Variants in WWOX observed in about 807,000 individuals in gnomAD.
The protein encoded by WWOX is WW domain-containing oxidoreductase.
A neutral mutation model predicts 46.2 loss-of-function variants in WWOX; 69 were observed. That is an observed-to-expected ratio of 1.49 (90% CI 1.23 to 1.82). WWOX has a LOEUF of 1.82. Ranked by LOEUF, WWOX falls within the 40% of genes most tolerant of loss-of-function variation. The probability of loss-of-function intolerance (pLI) is 0.00; values close to 1 mark genes in which losing one functional copy is unlikely to be tolerated. For synonymous variants in WWOX, 359 were observed against 202.6 expected (o/e 1.77, Z -6.56); for missense variants, 919 against 542.6 (o/e 1.69, Z -6.89).
chr16:79,138,781 T>C (rs577438969), intron 8 of WWOX, among the ~76,000 whole-genome samples: 3 of 152,284 alleles, frequency 2.0e-5, no homozygotes, highest in African/African-American at 4.8e-5. Context: ...CTCATTTCTC[T>C]TTGCAGTCAC....
intron 6 of WWOX, among the ~76,000 whole-genome samples, chr16:78,418,639 G>A (rs1011998707): frequency 2.0e-5 from 3 of 151,956 alleles, no homozygotes; most frequent in Admixed American, 1.3e-4. Flanking sequence ...AACAATTCAC[G>A]GTTGGTTTTA....
At chr16:78,554,861 G>A (rs2044251700) in intron 8 of WWOX, among the ~76,000 whole-genome samples, 1 of 152,180 alleles carries the variant, frequency 6.6e-6, no homozygotes, top group Non-Finnish European at 1.5e-5. Flanking sequence ...GAAGACAGAG[G>A]TGGGACCTGG....
intron 5 of WWOX, chr16:78,278,583 C>T: frequency 3.7e-6 from 6 of 1,601,836 alleles, no homozygotes; most frequent in Non-Finnish European, 5.1e-6. Flanking sequence ...ACACAACTGT[C>T]TTTTGTTTGT....
intron 5 of WWOX, among the ~76,000 whole-genome samples, chr16:78,327,516 G>A (rs1327029044): frequency 2.6e-5 from 4 of 152,102 alleles, no homozygotes. Flanking sequence ...TGTAGAACAT[G>A]GAGCGCTCAG....
intron 8 of WWOX, among the ~76,000 whole-genome samples, chr16:78,847,286 A>G (rs949193943): frequency 2.0e-5 from 3 of 152,350 alleles, no homozygotes; most frequent in Middle Eastern, 3.4e-3. Context: ...ATACAAACCC[A>G]TGCACATACA....
chr16:78,942,502 C>G (rs1320211867), intron 8 of WWOX, among the ~76,000 whole-genome samples: 1 of 151,618 alleles, frequency 6.6e-6, no homozygotes, highest in Non-Finnish European at 1.5e-5. Flanking sequence ...AAAATTGATT[C>G]CCGTAGCTCT....
intron 8 of WWOX, among the ~76,000 whole-genome samples, chr16:78,773,706 T>A (rs2050121517): frequency 6.6e-6 from 1 of 152,170 alleles, no homozygotes; most frequent in African/African-American, 2.4e-5. Flanking sequence ...AGTTGAAGTC[T>A]GAACAAATAA....
At chr16:78,127,792 T>G (rs1305768215) in intron 4 of WWOX, among the ~76,000 whole-genome samples, 1 of 152,156 alleles carries the variant, frequency 6.6e-6, no homozygotes, top group Admixed American at 6.5e-5. Context: ...TGTCAGTGTT[T>G]GAATATAGTT....
chr16:78,577,678 C>G (rs1567656780), intron 8 of WWOX, among the ~76,000 whole-genome samples: 1 of 152,206 alleles, frequency 6.6e-6, no homozygotes, highest in Non-Finnish European at 1.5e-5. Flanking sequence ...CAAAGACCTT[C>G]TGGACAATTC....
chr16:78,928,819 T>C (rs1016196248), intron 8 of WWOX, among the ~76,000 whole-genome samples: 1 of 152,150 alleles, frequency 6.6e-6, no homozygotes, highest in Non-Finnish European at 1.5e-5. Flanking sequence ...TAAAAAGATA[T>C]GAACTTGAAC....
chr16:78,792,171 T>G (rs2050620491), intron 8 of WWOX, among the ~76,000 whole-genome samples: 1 of 152,056 alleles, frequency 6.6e-6, no homozygotes, highest in East Asian at 1.9e-4. Flanking sequence ...GCAATAAACA[T>G]TCGATTCTCG....
At chr16:78,944,754 C>T (rs1422708514) in intron 8 of WWOX, among the ~76,000 whole-genome samples, 1 of 152,162 alleles carries the variant, frequency 6.6e-6, no homozygotes, top group East Asian at 1.9e-4. Flanking sequence ...TGACACTGAT[C>T]CTTAGCCCAT....
At chr16:78,673,390 C>A (rs2047513800) in intron 8 of WWOX, among the ~76,000 whole-genome samples, 1 of 152,174 alleles carries the variant, frequency 6.6e-6, no homozygotes, top group Non-Finnish European at 1.5e-5. Context: ...TATTCTCCAG[C>A]CCAGTTATCT....
chr16:78,409,145 C>G (rs549205975), intron 6 of WWOX, among the ~76,000 whole-genome samples: 7 of 152,208 alleles, frequency 4.6e-5, no homozygotes, highest in Non-Finnish European at 8.8e-5. Context: ...GTGGCTCACT[C>G]CAGGTAGGAT....
intron 4 of WWOX, among the ~76,000 whole-genome samples, chr16:78,157,416 G>A (rs2034643409): frequency 6.6e-6 from 1 of 152,142 alleles, no homozygotes; most frequent in African/African-American, 2.4e-5. Flanking sequence ...GGTGACATTG[G>A]TATCACAGGT....
intron 6 of WWOX, among the ~76,000 whole-genome samples, chr16:78,411,106 G>T (rs988803449): frequency 2.0e-5 from 3 of 152,064 alleles, no homozygotes; most frequent in Non-Finnish European, 4.4e-5. Context: ...CAGAAGAATT[G>T]TCCATGATTT....
intron 8 of WWOX, among the ~76,000 whole-genome samples, chr16:78,974,936 T>C (rs531632947): frequency 8.5e-5 from 13 of 152,294 alleles, no homozygotes; most frequent in African/African-American, 2.4e-4. Context: ...CGGAATTTAA[T>C]GAGGCCTCTC....
intron 8 of WWOX, among the ~76,000 whole-genome samples, chr16:78,923,277 G>T (rs114175614): frequency 2.8e-3 from 426 of 152,088 alleles, no homozygotes; most frequent in African/African-American, 9.4e-3. Context: ...CACTGTGCCC[G>T]GCCATCTTTC....
chr16:78,562,998 T>C (rs63743760), intron 8 of WWOX, among the ~76,000 whole-genome samples: 1 of 150,608 alleles, frequency 6.6e-6, no homozygotes, highest in South Asian at 2.1e-4. Flanking sequence ...TTTTTTTTTT[T>C]AATCCCTCCC....
Sources: gnomAD v4.1 joint callset for allele counts (sites outside exome capture counted in the v4.1 genomes callset) on GRCh38, gnomAD v4.1.1 for gene constraint, MANE v1.5 for transcripts, NCBI Gene and HGNC (gene_info 2026-07-23, HGNC 2026-07-21) for gene names.